The following NRXN3 variants were observed in gnomAD, a reference collection of about 807,000 sequenced individuals.
NRXN3 encodes the protein neurexin III.
In NRXN3, 32 loss-of-function variants were observed where a neutral mutation model predicts 137.6. The observed-to-expected ratio is 0.23, with a 90% CI of 0.18 to 0.31. The LOEUF is 0.31. Among genes scored for constraint, NRXN3 ranks in the 10% least tolerant of loss-of-function variants. The pLI is 1.00. For synonymous variants in NRXN3, 798 were observed against 784.5 expected (o/e 1.02, Z -0.29); for missense variants, 1,574 against 2,062.5 (o/e 0.76, Z 4.59).
At chr14:79,669,844 C>CT (rs1252349797) in intron 17 of NRXN3, among the ~76,000 whole-genome samples, 11 of 152,044 alleles carry the variant, frequency 7.2e-5, no homozygotes, top group Admixed American at 6.6e-4. Flanking sequence ...TTGAGAAACA[C>CT]TGGCCCAGGC....
At chr14:79,393,038 G>A (rs566323161) in intron 15 of NRXN3, among the ~76,000 whole-genome samples, 4 of 149,820 alleles carry the variant, frequency 2.7e-5, no homozygotes, top group African/African-American at 9.8e-5. Context: ...AAATAGGAAC[G>A]CTTTTATACT....
chr14:79,429,019 C>T (rs957731087), intron 15 of NRXN3, among the ~76,000 whole-genome samples: 3 of 152,048 alleles, frequency 2.0e-5, no homozygotes, highest in Non-Finnish European at 2.9e-5. Context: ...GAAGATGTTC[C>T]TGATAATAAA....
intron 4 of NRXN3, among the ~76,000 whole-genome samples, chr14:78,408,210 G>T (rs2092613183): frequency 6.6e-6 from 1 of 152,126 alleles, no homozygotes; most frequent in South Asian, 2.1e-4. Flanking sequence ...ACCCTCCCCT[G>T]CTTCTCTAGG....
intron 16 of NRXN3, among the ~76,000 whole-genome samples, chr14:79,476,840 A>T (rs2096564032): frequency 6.6e-6 from 1 of 152,152 alleles, no homozygotes; most frequent in Non-Finnish European, 1.5e-5. Context: ...CCAAGATAGC[A>T]CTACTAATAA....
intron 10 of NRXN3, among the ~76,000 whole-genome samples, chr14:78,880,098 G>A (rs1334075836): frequency 6.8e-6 from 1 of 147,958 alleles, no homozygotes; most frequent in Non-Finnish European, 1.5e-5. Context: ...AAATTAGCCG[G>A]GCGTAGTGGC....
rs78841199 is a variant in NRXN3 at position 78,630,393 on chromosome 14, T to C, written c.758-14727T>C. Reference sequence around the variant, plus strand: ...GCCATCATTTTATAAGACAGGAAATTACAAAACCAAAAAAGTAGAAAGGAG... The same window carrying C: ...GCCATCATTTTATAAGACAGGAAATCACAAAACCAAAAAAGTAGAAAGGAG... On this transcript the variant is annotated intron_variant, in intron 4 of 20. Transcript: ENST00000335750. Among the ~76,000 whole-genome samples the C allele has an allele frequency of 8.3e-3, 1,259 of 152,208 alleles. 88 individuals carry two copies. In the East Asian group the frequency reaches 0.18, roughly 22 times the overall value.
chr14:79,446,539 ATTAAT>A (rs1165464391), intron 15 of NRXN3, among the ~76,000 whole-genome samples: 3 of 152,148 alleles, frequency 2.0e-5, no homozygotes, highest in Non-Finnish European at 4.4e-5. Flanking sequence ...GTAAAGAAGT[ATTAAT>A]TTAGACATCA....
intron 15 of NRXN3, among the ~76,000 whole-genome samples, chr14:79,414,673 A>G (rs900208867): frequency 2.0e-5 from 3 of 152,034 alleles, no homozygotes; most frequent in Non-Finnish European, 2.9e-5. Flanking sequence ...TAATTAACAT[A>G]TCCATCACCT....
chr14:79,466,809 T>C (rs1387349823), intron 15 of NRXN3, among the ~76,000 whole-genome samples: 2 of 152,176 alleles, frequency 1.3e-5, no homozygotes, highest in Admixed American at 6.5e-5. Flanking sequence ...GACCAGATTA[T>C]GCTGATAGAT....
intron 6 of NRXN3, among the ~76,000 whole-genome samples, chr14:78,704,805 A>T (rs2098329035): frequency 6.6e-6 from 1 of 152,128 alleles, no homozygotes; most frequent in Admixed American, 6.5e-5. Flanking sequence ...CTTATTGTGT[A>T]TGATATAAAA....
chr14:78,628,056 T>C (rs1212423943), intron 4 of NRXN3, among the ~76,000 whole-genome samples: 1 of 151,250 alleles, frequency 6.6e-6, no homozygotes, highest in Non-Finnish European at 1.5e-5. Context: ...GATAATACCA[T>C]AGCATTGCAG....
At chr14:79,459,230 A>G (rs2096295113) in intron 15 of NRXN3, among the ~76,000 whole-genome samples, 1 of 152,102 alleles carries the variant, frequency 6.6e-6, no homozygotes, top group Non-Finnish European at 1.5e-5. Flanking sequence ...GAGCTGAATT[A>G]TGTCCCCTCT....
intron 15 of NRXN3, among the ~76,000 whole-genome samples, chr14:79,074,382 C>T (rs2045627800): frequency 6.6e-6 from 1 of 152,140 alleles, no homozygotes; most frequent in African/African-American, 2.4e-5. Context: ...ATTACTAAAT[C>T]AGTTCTAGGG....
At chr14:78,742,830 C>G (rs923236621) in intron 8 of NRXN3, among the ~76,000 whole-genome samples, 5 of 152,174 alleles carry the variant, frequency 3.3e-5, no homozygotes, top group African/African-American at 9.7e-5. Context: ...CAAATAGATT[C>G]TAACGATAAG....
chr14:78,743,729 G>A (rs1482812941), intron 8 of NRXN3, among the ~76,000 whole-genome samples: 5 of 152,188 alleles, frequency 3.3e-5, no homozygotes, highest in East Asian at 1.9e-4. Context: ...AAGCAAGAAC[G>A]AGGTTGTAAA....
At chr14:78,371,858 G>A (rs1227088519) in intron 4 of NRXN3, among the ~76,000 whole-genome samples, 1 of 152,202 alleles carries the variant, frequency 6.6e-6, no homozygotes, top group Non-Finnish European at 1.5e-5. Flanking sequence ...ATTGTTCTAA[G>A]CCATAATTTA....
chr14:78,501,887 A>T (rs920789835), intron 4 of NRXN3, among the ~76,000 whole-genome samples: 2 of 152,150 alleles, frequency 1.3e-5, no homozygotes, highest in African/African-American at 4.8e-5. Flanking sequence ...TCTGGAAAGG[A>T]CATTAGAGGG....
chr14:79,617,303 C>T (rs2098167529), intron 16 of NRXN3, among the ~76,000 whole-genome samples: 1 of 152,094 alleles, frequency 6.6e-6, no homozygotes, highest in South Asian at 2.1e-4. Context: ...AATTTTTACC[C>T]AATGGCTTTT....
chr14:78,847,957 T>G (rs767795086), intron 10 of NRXN3, among the ~76,000 whole-genome samples: 59 of 152,002 alleles, frequency 3.9e-4, no homozygotes, highest in Non-Finnish European at 1.6e-4. Flanking sequence ...GGAAAGGAAA[T>G]CTGGTTCTCA....
Sources: allele counts gnomAD v4.1 joint callset (sites outside exome capture counted in the v4.1 genomes callset), GRCh38; gene constraint gnomAD v4.1.1; transcripts MANE v1.5; gene names NCBI Gene and HGNC (gene_info 2026-07-23, HGNC 2026-07-21).